PTPRG: variants seen among roughly 807,000 people sequenced by gnomAD.
The protein encoded by PTPRG is protein tyrosine phosphatase receptor type G, also known as receptor-type tyrosine-protein phosphatase gamma.
In PTPRG, 102 loss-of-function variants were observed where a neutral mutation model predicts 165.3. The ratio of observed to expected loss-of-function variants is 0.62; its 90% CI spans 0.53 to 0.73. PTPRG has a LOEUF of 0.73. Ranked by LOEUF, PTPRG falls within the 30% of genes least tolerant of loss-of-function variation. The pLI, the probability that PTPRG is intolerant of heterozygous loss-of-function variation, is 0.00. For missense variants in PTPRG, 1,866 were observed against 1,861.4 expected (o/e 1.00, Z -0.05); for synonymous variants, 675 against 669.5 (o/e 1.01, Z -0.13).
chr3:61,798,905 G>A (rs536004772), intron 2 of PTPRG, among the ~76,000 whole-genome samples: 28 of 152,226 alleles, frequency 1.8e-4, no homozygotes, highest in African/African-American at 6.5e-4. Context: ...GTAGAGCTGT[G>A]CGGTACAGAG....
At chr3:62,095,497 C>T (rs990178541) in intron 5 of PTPRG, among the ~76,000 whole-genome samples, 1 of 152,180 alleles carries the variant, frequency 6.6e-6, no homozygotes, top group Admixed American at 6.5e-5. Flanking sequence ...ATAGTATAAC[C>T]TGGCCTCCTT....
intron 1 of PTPRG, among the ~76,000 whole-genome samples, chr3:61,570,142 A>C (rs1262969378): frequency 6.6e-6 from 1 of 152,112 alleles, no homozygotes; most frequent in Non-Finnish European, 1.5e-5. Flanking sequence ...TTTATTTTAC[A>C]CTTGTGTGAC....
At chr3:62,231,463 C>T (rs973098750) in intron 14 of PTPRG, 152 bp downstream of exon 14, 9 of 499,440 alleles carry the variant, frequency 1.8e-5, no homozygotes, top group Non-Finnish European at 2.0e-5. Flanking sequence ...GTAAGACTTG[C>T]AAATATCAAT....
intron 6 of PTPRG, among the ~76,000 whole-genome samples, chr3:62,145,723 T>C (rs1704096020): frequency 2.0e-5 from 3 of 152,184 alleles, no homozygotes; most frequent in African/African-American, 7.2e-5. Flanking sequence ...GTTCTATAAA[T>C]ACAATCTTAT....
At chr3:62,077,852 A>C (rs918688505) in intron 4 of PTPRG, among the ~76,000 whole-genome samples, 1 of 152,076 alleles carries the variant, frequency 6.6e-6, no homozygotes. Context: ...AAAATACAAA[A>C]ATTAGCGGGC....
chr3:62,027,417 C>T (rs937992351), intron 4 of PTPRG, among the ~76,000 whole-genome samples: 27 of 152,204 alleles, frequency 1.8e-4, no homozygotes, highest in African/African-American at 6.5e-4. Context: ...CCTCCTGCCA[C>T]CCCACCATCC....
Position 62,217,803 on chromosome 3 carries a change from C to T in PTPRG, c.2156-1048C>T, listed in dbSNP as rs148561526. On this transcript the variant is annotated intron_variant, in intron 12 of 29. Transcript: ENST00000474889. The surrounding 1 kb of genome is among the most constrained non-coding windows in gnomAD (Gnocchi z 4.3). ...ACAGTGGAAGGGAAGATAGGATCTT[C>T]TGCTGAGGCTCCTGGGGACTTCTGA... 297 of 152,534 alleles carry T rather than the reference C, an allele frequency of 1.9e-3. 3 individuals are homozygous for T. In the East Asian group the frequency reaches 0.046, roughly 24 times the overall value. 9.4% of individuals were successfully genotyped at this position (152,534 alleles called of 1,614,324 possible). A position where few individuals can be genotyped will look rare whatever the true frequency, so the allele number is the denominator to read the frequency against.
chr3:61,659,525 C>G (rs1457068406), intron 1 of PTPRG: 16 of 889,024 alleles, frequency 1.8e-5, no homozygotes, highest in Non-Finnish European at 2.0e-5. Flanking sequence ...TTTGAGTGTT[C>G]ATTTCCCAAA....
At chr3:61,920,142 C>T (rs949449416) in intron 2 of PTPRG, among the ~76,000 whole-genome samples, 2 of 152,194 alleles carry the variant, frequency 1.3e-5, no homozygotes, top group African/African-American at 4.8e-5. Context: ...CCCCACATCT[C>T]AGTTCTAGAA....
intron 1 of PTPRG, among the ~76,000 whole-genome samples, chr3:61,697,667 G>T (rs557631339): frequency 6.6e-6 from 1 of 152,292 alleles, no homozygotes; most frequent in South Asian, 2.1e-4. Flanking sequence ...AGTTTCCAAA[G>T]AATCACTTAT....
intron 4 of PTPRG, among the ~76,000 whole-genome samples, chr3:62,026,292 C>G (rs78867001): frequency 0.023 from 3,543 of 152,286 alleles, 80 homozygotes; most frequent in East Asian, 0.09. Flanking sequence ...ATTGAAAATG[C>G]AATGTTCTTG....
intron 4 of PTPRG, among the ~76,000 whole-genome samples, chr3:62,035,383 G>T (rs1699907218): frequency 1.3e-5 from 2 of 151,962 alleles, no homozygotes; most frequent in South Asian, 4.1e-4. Flanking sequence ...GTTGGGGTGA[G>T]AAGGTGTGAA....
chr3:61,593,887 A>C (rs2106828805), intron 1 of PTPRG, among the ~76,000 whole-genome samples: 1 of 152,286 alleles, frequency 6.6e-6, no homozygotes, highest in East Asian at 1.9e-4. Context: ...GGAAAGATAC[A>C]CAGATCTGTG....
intron 2 of PTPRG, among the ~76,000 whole-genome samples, chr3:61,878,514 G>C (rs1175527727): frequency 2.0e-5 from 3 of 152,126 alleles, no homozygotes; most frequent in Non-Finnish European, 1.5e-5. Context: ...CATTAAGACA[G>C]GTAGGGTATC....
chr3:61,566,829 GTTGT>G (rs1227745868), intron 1 of PTPRG, among the ~76,000 whole-genome samples: 12 of 152,198 alleles, frequency 7.9e-5, no homozygotes, highest in Admixed American at 7.2e-4. Context: ...ACAGTGACAC[GTTGT>G]TTGTTCTTTT....
intron 8 of PTPRG, among the ~76,000 whole-genome samples, chr3:62,176,163 A>G (rs928754296): frequency 6.6e-6 from 1 of 151,656 alleles, no homozygotes; most frequent in Non-Finnish European, 1.5e-5. Context: ...GAAATATCGC[A>G]GGTTGGATGA....
At chr3:61,934,213 A>G (rs2039432057) in intron 2 of PTPRG, among the ~76,000 whole-genome samples, 2 of 152,202 alleles carry the variant, frequency 1.3e-5, no homozygotes, top group Admixed American at 1.3e-4. Flanking sequence ...AGATGTGTAT[A>G]TATTTTTAAA....
chr3:62,156,727 T>C lies in PTPRG; in HGVS notation c.683-340T>C, dbSNP rs544508936. ...GGTGGGTTAAACAAAGTCAAGCCCA[T>C]TTCTTTTCTGCAAGACTTCTCAGAG... is the stretch of plus-strand genomic sequence containing the variant. On this transcript the variant is annotated intron_variant, in intron 6 of 29. Coordinates refer to ENST00000474889, the MANE Select transcript of PTPRG (RefSeq NM_002841.4). 5.3e-5 allele frequency among the ~76,000 whole-genome samples: 8 copies of C among 152,344 alleles called. No homozygotes were observed. The South Asian group carries it at 1.4e-3, about 28-fold the overall frequency.
chr3:61,813,905 T>TGG (rs397942138), intron 2 of PTPRG, among the ~76,000 whole-genome samples: 6 of 147,276 alleles, frequency 4.1e-5, no homozygotes, highest in East Asian at 2.0e-4. Context: ...TTTTTTTTTT[T>TGG]GGGGGGGGTT....
Sources: gnomAD v4.1 joint callset for allele counts (sites outside exome capture counted in the v4.1 genomes callset) on GRCh38, gnomAD v4.1.1 for gene constraint, Gnocchi (gnomAD v3.1) non-coding constraint, MANE v1.5 for transcripts, NCBI Gene and HGNC (gene_info 2026-07-23, HGNC 2026-07-21) for gene names.